GABRE: variants seen among roughly 807,000 people sequenced by gnomAD.
GABRE encodes gamma-aminobutyric acid type A receptor subunit epsilon.
A neutral mutation model predicts 31.0 loss-of-function variants in GABRE; 20 were observed. The ratio of observed to expected loss-of-function variants is 0.64; its 90% CI spans 0.45 to 0.94. The LOEUF is 0.94. Among genes scored for constraint, GABRE ranks in the 40% least tolerant of loss-of-function variants. The pLI, the probability that GABRE is intolerant of heterozygous loss-of-function variation, is 0.00. For synonymous variants in GABRE, 155 were observed against 150.6 expected, an observed-to-expected ratio of 1.03 and a Z score of -0.21; for missense variants, 420 against 410.7, an observed-to-expected ratio of 1.02 and a Z score of -0.20.
intron 4 of GABRE, among the ~76,000 whole-genome samples, chrX:151,962,110 C>T (rs1325940201): frequency 9.0e-6 from 1 of 111,600 alleles, no homozygotes; most frequent in Non-Finnish European, 1.9e-5. Context: ...CGAGTGCCCA[C>T]GTAGGATGGA....
chrX:151,960,399 A>C (rs1260842999), intron 5 of GABRE, among the ~76,000 whole-genome samples: 1 of 111,916 alleles, frequency 8.9e-6, no homozygotes, highest in East Asian at 2.8e-4. Flanking sequence ...AACTCAAGTA[A>C]ATATTCTCAA....
intron 3 of GABRE, among the ~76,000 whole-genome samples, chrX:151,963,537 A>G (rs1224447994): frequency 8.9e-6 from 1 of 112,465 alleles, no homozygotes; most frequent in African/African-American, 3.2e-5. Flanking sequence ...GTGTTGCCCA[A>G]CAGAATGGCA....
At chrX:151,957,862 T>C (rs928187864) in intron 6 of GABRE, 1 of 150,717 alleles carries the variant, frequency 6.6e-6, no homozygotes, top group Admixed American at 7.5e-5. Context: ...CACAATTAAA[T>C]AGACCATGTC....
intron 3 of GABRE, among the ~76,000 whole-genome samples, chrX:151,964,197 G>A (rs1283626846): frequency 1.8e-5 from 2 of 111,086 alleles, no homozygotes; most frequent in African/African-American, 3.3e-5. Flanking sequence ...GCTAAAACTC[G>A]TATCTTTCTC....
chrX:151,972,130 A>G, intron 1 of GABRE: 1 of 753,054 alleles, frequency 1.3e-6, no homozygotes. Flanking sequence ...TGTATTGCGG[A>G]CCAAGGGACT....
At chrX:151,973,984 C>T (rs1339962522) in intron 1 of GABRE, among the ~76,000 whole-genome samples, 1 of 111,061 alleles carries the variant, frequency 9.0e-6, no homozygotes, top group East Asian at 2.9e-4. Flanking sequence ...AAAGCTCGTG[C>T]CTGAGACTGG....
chrX:151,969,974 G>C lies in GABRE; in HGVS notation c.274+211C>G, dbSNP rs148764301. On this transcript the variant is annotated intron_variant, in intron 2 of 8. Transcript: ENST00000370328. ...GTTTAGTCCTCTCATTTTACCACTG[G>C]AAAAACTGAGGGCGAGAGAAGGGAA... 2,438 of 1,073,887 alleles carry C rather than the reference G, an allele frequency of 2.3e-3. 26 individuals carry two copies. The African/African-American group carries it at 0.032, about 14-fold the overall frequency. 88.5% of individuals were successfully genotyped at this position (1,073,887 alleles called of 1,213,427 possible). A position where few individuals can be genotyped will look rare whatever the true frequency, so the allele number is the denominator to read the frequency against.
At chrX:151,968,491 C>T (rs956922057) in intron 3 of GABRE, among the ~76,000 whole-genome samples, 1 of 112,103 alleles carries the variant, frequency 8.9e-6, no homozygotes, top group African/African-American at 3.2e-5. Flanking sequence ...TATGCGAACA[C>T]CTTGATTTTC....
chrX:151,966,779 C>T (rs1188595661), intron 3 of GABRE, among the ~76,000 whole-genome samples: 1 of 112,315 alleles, frequency 8.9e-6, no homozygotes, highest in Non-Finnish European at 1.9e-5. Flanking sequence ...TTTCAAAAGA[C>T]ACTTGGCTCA....
rs147565446 is a variant in GABRE, at chrX:151,955,472, C to T, written c.1033G>A (p.Ala345Thr). Residue 345 changes from alanine (A) to threonine (T), a missense_variant, in exon 8 of 9, where the codon GCC (alanine) becomes ACC (threonine). Coordinates refer to ENST00000370328, the MANE Select transcript of GABRE (RefSeq NM_004961.4). ...CAGAAGCAGAAGACGAAGCAGATGG[C>T]GATATAGAAATCCAAGGCTGTGATA... The part of the protein sequence containing the change: ...SYITALDFYI[A>T]ICFVFCFCAL... 285 of 1,209,709 alleles carry T rather than the reference C, an allele frequency of 2.4e-4. No homozygotes were observed. The highest frequency in any genetic ancestry group is 5.3e-4 in the South Asian group (30 of 56,819).
At chrX:151,974,356 C>G (rs918402152) in intron 1 of GABRE, among the ~76,000 whole-genome samples, 6 of 111,780 alleles carry the variant, frequency 5.4e-5, no homozygotes, top group Non-Finnish European at 9.4e-5. Context: ...GGAGCTCCCC[C>G]TCAAGGACCC....
chrX:151,971,289 T>G (rs770913321), intron 1 of GABRE: 133 of 328,526 alleles, frequency 4.0e-4, no homozygotes, highest in African/African-American at 3.3e-3. Flanking sequence ...TGTACACTTA[T>G]GATTTGAGCA....
intron 3 of GABRE, among the ~76,000 whole-genome samples, chrX:151,967,915 G>A (rs1934571573): frequency 8.9e-6 from 1 of 112,563 alleles, no homozygotes; most frequent in South Asian, 3.7e-4. Flanking sequence ...GTGCCCTTCT[G>A]TAATCCCTTG....
intron 3 of GABRE, among the ~76,000 whole-genome samples, chrX:151,966,520 A>G (rs1302099348): frequency 8.9e-6 from 1 of 112,091 alleles, no homozygotes; most frequent in Non-Finnish European, 1.9e-5. Context: ...CAGCTTCCTC[A>G]AATGTAAAAC....
chrX:151,971,206 G>A (rs1459538530), intron 1 of GABRE: 1 of 552,471 alleles, frequency 1.8e-6, no homozygotes, highest in African/African-American at 2.4e-5. Flanking sequence ...GGCTTCTGAG[G>A]TCCTGCTCAC....
intron 6 of GABRE, chrX:151,959,515 C>G: frequency 2.8e-6 from 1 of 362,516 alleles, no homozygotes; most frequent in South Asian, 2.7e-5. Flanking sequence ...CCAAAGTCAT[C>G]CAAAGAGGTC....
In GABRE at chrX:151,955,812, C is replaced by G. The variant is rs140182680; in HGVS notation, c.833G>C (p.Gly278Ala). Residue 278 changes from glycine to alanine, a missense_variant, in exon 7 of 9, where the codon GGC (glycine) becomes GCC (alanine). Transcript: ENST00000370328. Reference sequence around the variant, plus strand: ...GACATAGTTTTGAAAGGCAACATAGCCAAACCGCCTGCTCACATTGAAGAA... The same window carrying G: ...GACATAGTTTTGAAAGGCAACATAGGCAAACCGCCTGCTCACATTGAAGAA... ...TIFFNVSRRFGYVAFQNYVPS... is the reference protein window; with the variant it reads ...TIFFNVSRRFAYVAFQNYVPS... 1.2e-3 allele frequency: 1,424 copies of G among 1,210,286 alleles called. 1 individual carries two copies. Among genetic ancestry groups the G allele is most frequent in the Non-Finnish European group, 1.4e-3 (1,229 of 895,183 alleles).
intron 6 of GABRE, chrX:151,956,650 C>T (rs897760328): frequency 8.9e-6 from 1 of 112,165 alleles, no homozygotes; most frequent in African/African-American, 3.2e-5. Flanking sequence ...GACCCCTAAC[C>T]CAAACTGAGT....
chrX:151,960,070 G>A (rs927019593), intron 5 of GABRE, 94 bp from the exon 6 acceptor site: 3 of 845,194 alleles, frequency 3.5e-6, no homozygotes, highest in Non-Finnish European at 5.0e-6. Flanking sequence ...ATGCCTTGGA[G>A]TCCTGTCTCT....
Sources: gnomAD v4.1 joint callset for allele counts (sites outside exome capture counted in the v4.1 genomes callset) on GRCh38, gnomAD v4.1.1 for gene constraint, MANE v1.5 for transcripts, NCBI Gene and HGNC (gene_info 2026-07-23, HGNC 2026-07-21) for gene names.